Variants in DERA observed in about 807,000 individuals in gnomAD.
DERA encodes the protein deoxyribose-phosphate aldolase.
Under a neutral mutation model 41.1 loss-of-function variants are expected in DERA, and 15 were observed. The ratio of observed to expected loss-of-function variants is 0.37; its 90% CI spans 0.24 to 0.56. DERA has a LOEUF of 0.56. Ranked by LOEUF, DERA falls within the 20% of genes least tolerant of loss-of-function variation. The probability of loss-of-function intolerance (pLI) is 0.81; values close to 1 mark genes in which losing one functional copy is unlikely to be tolerated. For synonymous variants in DERA, 139 were observed against 137.4 expected (o/e 1.01, Z -0.08); for missense variants, 396 against 403.4 (o/e 0.98, Z 0.16).
rs191839400 is a variant in DERA at position 15,947,385 on chromosome 12, G to A, written c.32-9551G>A. 2.6e-3 allele frequency among the ~76,000 whole-genome samples: 392 copies of A among 152,236 alleles called. 1 individual carries two copies. The highest frequency in any genetic ancestry group is 9.0e-3 in the African/African-American group (373 of 41,538). ...CTAAGGACTTGCTTTATGAATCTGG[G>A]TGCTCCTGTGTTGGGTGCATATATA... On this transcript the variant is annotated intron_variant, in intron 1 of 8. Transcript: ENST00000428559.
chr12:15,952,542 AT>A (rs1172582676), intron 1 of DERA, among the ~76,000 whole-genome samples: 3 of 152,222 alleles, frequency 2.0e-5, no homozygotes, highest in Non-Finnish European at 4.4e-5. Flanking sequence ...TATAAAAAAA[AT>A]AAAAAGGAAC....
intron 1 of DERA, among the ~76,000 whole-genome samples, chr12:15,956,329 T>C (rs2136146108): frequency 6.6e-6 from 1 of 152,352 alleles, no homozygotes; most frequent in Middle Eastern, 3.4e-3. Context: ...CAGAGATAGC[T>C]CCTGAAACTT....
In DERA at chr12:15,958,172, CTT is replaced by C; in HGVS notation, c.130-13_130-12del. On this transcript the variant is annotated splice_polypyrimidine_tract_variant and intron_variant, in intron 2 of 8. Transcript: ENST00000428559. Reference sequence around the variant, plus strand: ...ATTTATTAAATTTACTTTGTTTTCACTTTTGTTTAAACCAGGCTGCTTGGCTC... The same window carrying C: ...ATTTATTAAATTTACTTTGTTTTCACTTGTTTAAACCAGGCTGCTTGGCTC... 6.6e-7 allele frequency: 1 copy of C among 1,526,640 alleles called. No individual in the cohort carries two copies. Among genetic ancestry groups the C allele is most frequent in the Non-Finnish European group, 8.8e-7 (1 of 1,138,474 alleles). 94.6% of individuals were successfully genotyped at this position (1,526,640 alleles called of 1,614,324 possible).
chr12:16,014,043 G>A lies in DERA; in HGVS notation c.638-18499G>A, dbSNP rs952789268. 1.3e-5 allele frequency among the ~76,000 whole-genome samples: 2 copies of A among 152,176 alleles called. No homozygotes were observed. The highest frequency in any genetic ancestry group is 6.5e-5 in the Admixed American group (1 of 15,284). ...AAAAGTGTTCAAGAGGTGACTGGGT[G>A]TTCTTAAAAGCATTCAGATGTATGC... On this transcript the variant is annotated intron_variant, in intron 6 of 8. Transcript: ENST00000428559. This position sits in a 1 kb window ranked among gnomAD's most constrained non-coding sequence, Gnocchi z 5.4.
chr12:15,987,385 C>T (rs1357770471), intron 6 of DERA, among the ~76,000 whole-genome samples: 2 of 151,806 alleles, frequency 1.3e-5, no homozygotes, highest in African/African-American at 2.4e-5. Context: ...TACAGGTGTA[C>T]ACTACCACGC....
At chr12:15,956,108 A>G (rs1948536201) in intron 1 of DERA, among the ~76,000 whole-genome samples, 1 of 152,256 alleles carries the variant, frequency 6.6e-6, no homozygotes, top group South Asian at 2.1e-4. Flanking sequence ...CAATGTACTA[A>G]GTACAACGAA....
At chr12:15,950,119 A>T (rs1193089797) in intron 1 of DERA, among the ~76,000 whole-genome samples, 3 of 152,090 alleles carry the variant, frequency 2.0e-5, no homozygotes, top group Non-Finnish European at 4.4e-5. Context: ...GGGTTCTTGG[A>T]TCTTGCACAA....
chr12:15,956,682 T>A (rs1169481666), intron 1 of DERA: 1 of 529,312 alleles, frequency 1.9e-6, no homozygotes, highest in Non-Finnish European at 3.6e-6. Flanking sequence ...GTTCCAAATG[T>A]ATAGGCTGGT....
In DERA at chr12:16,004,442, C is replaced by T. The variant is rs1231262679; in HGVS notation, c.637+22006C>T. Among the ~76,000 whole-genome samples the T allele has an allele frequency of 6.6e-6, 1 of 151,964 alleles. No homozygotes were observed. ...TAGAAGCCTCATGTTTTCTGGAATC[C>T]TTAATAAAAAATGACTTTTTAAATG... is the stretch of plus-strand genomic sequence containing the variant. On this transcript the variant is annotated intron_variant, in intron 6 of 8. Coordinates refer to ENST00000428559, the MANE Select transcript of DERA (RefSeq NM_015954.4). The surrounding 1 kb of genome is among the most constrained non-coding windows in gnomAD (Gnocchi z 4.2).
intron 6 of DERA, among the ~76,000 whole-genome samples, chr12:16,016,322 G>A (rs1251863960): frequency 1.3e-5 from 2 of 152,036 alleles, no homozygotes; most frequent in Non-Finnish European, 2.9e-5. Context: ...GAGGGGAAGG[G>A]GAGAAGTGCA....
chr12:15,944,181 A>G (rs923421871), intron 1 of DERA, among the ~76,000 whole-genome samples: 13 of 152,140 alleles, frequency 8.5e-5, no homozygotes, highest in African/African-American at 1.9e-4. Context: ...TAGTGCCGCA[A>G]TGAACATACA....
chr12:15,963,963 T>C (rs1433906995), intron 5 of DERA, among the ~76,000 whole-genome samples: 1 of 152,188 alleles, frequency 6.6e-6, no homozygotes, highest in Non-Finnish European at 1.5e-5. Context: ...AAGTAGCAAA[T>C]GTTCAGTCAG....
rs1263107862 is a variant in DERA, at chr12:15,924,744, G to GC, written c.31+13331dup. Among the ~76,000 whole-genome samples the GC allele has an allele frequency of 6.6e-6, 1 of 152,148 alleles. No homozygotes were observed. The highest frequency in any genetic ancestry group is 2.4e-5 in the African/African-American group (1 of 41,418). On this transcript the variant is annotated intron_variant, in intron 1 of 8. Coordinates refer to ENST00000428559, the MANE Select transcript of DERA (RefSeq NM_015954.4). This position sits in a 1 kb window ranked among gnomAD's most constrained non-coding sequence, Gnocchi z 5.0. ...CGATCCTATATTGTGAAAATACTTG[G>GC]CTTTCACCATTTCACCTCCTCCCTG...
In DERA at chr12:15,936,892, T is replaced by TTGTCTTGTCTTGTCTTGTCCC. The variant is rs1565588632; in HGVS notation, c.32-20044_32-20043insTGTCTTGTCTTGTCTTGTCCC. On this transcript the variant is annotated intron_variant, in intron 1 of 8. Coordinates refer to ENST00000428559, the MANE Select transcript of DERA (RefSeq NM_015954.4). The surrounding 1 kb of genome is among the most constrained non-coding windows in gnomAD (Gnocchi z 4.6). Reference sequence around the variant, plus strand: ...TGTCTTGTCTTGTCTTGTCTTGTCCTGTCCTGTCCTGTCCTGTCCTGTCCT... The same window carrying TTGTCTTGTCTTGTCTTGTCCC: ...TGTCTTGTCTTGTCTTGTCTTGTCCTTGTCTTGTCTTGTCTTGTCCCGTCCTGTCCTGTCCTGTCCTGTCCT... 3.9e-5 allele frequency among the ~76,000 whole-genome samples: 5 copies of TTGTCTTGTCTTGTCTTGTCCC among 126,708 alleles called. No homozygotes were observed. Among genetic ancestry groups the TTGTCTTGTCTTGTCTTGTCCC allele is most frequent in the East Asian group, 2.0e-4 (1 of 4,970 alleles). 83.1% of individuals were successfully genotyped at this position (126,708 alleles called of 152,430 possible). A position where few individuals can be genotyped will look rare whatever the true frequency, so the allele number is the denominator to read the frequency against.
At chr12:15,969,406 T>G (rs1948645117) in intron 5 of DERA, among the ~76,000 whole-genome samples, 1 of 152,354 alleles carries the variant, frequency 6.6e-6, no homozygotes, top group South Asian at 2.1e-4. Flanking sequence ...TTACTAGCTT[T>G]GGGAGACTCA....
rs1190410695 is a variant in DERA, at chr12:15,941,138, G to A, written c.32-15798G>A. On this transcript the variant is annotated intron_variant, in intron 1 of 8. Transcript: ENST00000428559. This position sits in a 1 kb window ranked among gnomAD's most constrained non-coding sequence, Gnocchi z 4.5. ...ATCATAAAAGCATTGCTTTCAGTGTGCTCTCTGCAAGGAACCTAGTGATTT... is the reference window on the plus strand; with the variant it reads ...ATCATAAAAGCATTGCTTTCAGTGTACTCTCTGCAAGGAACCTAGTGATTT... Among the ~76,000 whole-genome samples the A allele has an allele frequency of 6.6e-6, 1 of 152,158 alleles. No individual in the cohort carries two copies. Among genetic ancestry groups the A allele is most frequent in the Non-Finnish European group, 1.5e-5 (1 of 68,034 alleles).
At chr12:15,973,201 T>C (rs1025270100) in intron 5 of DERA, among the ~76,000 whole-genome samples, 1 of 151,930 alleles carries the variant, frequency 6.6e-6, no homozygotes, top group Non-Finnish European at 1.5e-5. Context: ...TGTGCCACTA[T>C]ATTGATTAAG....
rs1948945920 is a variant in DERA, at chr12:16,011,447, G to A, written c.638-21095G>A. ...AATCTGAAATGTGAAATGCTCCAGT[G>A]ATCATTTCTTTTGAGTATTGTATCA... On this transcript the variant is annotated intron_variant, in intron 6 of 8. Coordinates refer to ENST00000428559, the MANE Select transcript of DERA (RefSeq NM_015954.4). The surrounding 1 kb of genome is among the most constrained non-coding windows in gnomAD (Gnocchi z 4.7). 6.6e-6 allele frequency among the ~76,000 whole-genome samples: 1 copy of A among 152,148 alleles called. No individual in the cohort carries two copies. Among genetic ancestry groups the A allele is most frequent in the Non-Finnish European group, 1.5e-5 (1 of 68,008 alleles).
chr12:15,978,316 C>T (rs574947266), intron 5 of DERA, among the ~76,000 whole-genome samples: 4 of 152,238 alleles, frequency 2.6e-5, no homozygotes, highest in African/African-American at 9.6e-5. Flanking sequence ...GTAAGACTGG[C>T]AAATTCTAGT....
Sources: gnomAD v4.1 joint callset for allele counts (sites outside exome capture counted in the v4.1 genomes callset) on GRCh38, gnomAD v4.1.1 for gene constraint, Gnocchi (gnomAD v3.1) non-coding constraint, MANE v1.5 for transcripts, NCBI Gene and HGNC (gene_info 2026-07-23, HGNC 2026-07-21) for gene names.